Variants in ZFP3 observed in about 807,000 individuals in gnomAD.
The protein encoded by ZFP3 is zinc finger protein 3 homolog.
ZFP3 carries 18 observed loss-of-function variants against 36.7 expected under a neutral mutation model. That is an observed-to-expected ratio of 0.49 (90% CI 0.34 to 0.73). The LOEUF (loss-of-function observed/expected upper bound fraction) is 0.73, where lower values mean the gene tolerates loss of function less well. ZFP3 is among the 30% of genes least tolerant of loss of function. The probability of loss-of-function intolerance (pLI) is 0.01; values close to 1 mark genes in which losing one functional copy is unlikely to be tolerated. For missense variants in ZFP3, 495 were observed against 599.0 expected, an observed-to-expected ratio of 0.83 and a Z score of 1.81; for synonymous variants, 218 against 199.0, an observed-to-expected ratio of 1.10 and a Z score of -0.81.
At chr17:5,085,795 A>G (rs1329131355) in intron 1 of ZFP3, among the ~76,000 whole-genome samples, 2 of 152,244 alleles carry the variant, frequency 1.3e-5, no homozygotes, top group South Asian at 4.1e-4. Context: ...TGTCAGCTCT[A>G]CGAATGCTGA....
rs867375797 is a variant in ZFP3 at position 5,091,567 on chromosome 17, T to C, written c.63T>C (p.His21=). Reference sequence around the variant, plus strand: ...AAATTTCTGAAGAATCTGAGCCACATGGGTCATTATTAGAAAAATTTCCAA... The same window carrying C: ...AAATTTCTGAAGAATCTGAGCCACACGGGTCATTATTAGAAAAATTTCCAA... ...KEEISEESEP[H]GSLLEKFPKV... Residue 21 remains histidine (H), a synonymous_variant, in exon 2 of 2, where the codon CAT becomes CAC. Transcript: ENST00000318833. The C allele has an allele frequency of 1.2e-6, 2 of 1,614,226 alleles. No individual in the cohort carries two copies. The highest frequency in any genetic ancestry group is 1.3e-5 in the African/African-American group (1 of 75,056).
rs2072076831 is a variant in ZFP3, at chr17:5,078,582, C to T, written c.-9+7C>T. 1 of 152,592 alleles carries T rather than the reference C, an allele frequency of 6.6e-6. No homozygotes were observed. The highest frequency in any genetic ancestry group is 2.4e-5 in the African/African-American group (1 of 41,460). The allele number at this position is 152,592 out of a possible 1,614,324, so 9.5% of individuals were successfully genotyped here. A position where few individuals can be genotyped will look rare whatever the true frequency, so the allele number is the denominator to read the frequency against. On this transcript the variant is annotated splice_region_variant and intron_variant, in intron 1 of 1. Coordinates refer to ENST00000318833, the MANE Select transcript of ZFP3 (RefSeq NM_153018.3). The surrounding 1 kb of genome is among the most constrained non-coding windows in gnomAD (Gnocchi z 4.5). Reference sequence around the variant, plus strand: ...GGGGCAGTAGCGGCCTGCGGTGAGACCTCATTCCGTCGCGGCTGTGGGGGT... The same window carrying T: ...GGGGCAGTAGCGGCCTGCGGTGAGATCTCATTCCGTCGCGGCTGTGGGGGT...
intron 1 of ZFP3, among the ~76,000 whole-genome samples, chr17:5,089,190 TC>T (rs2072136955): frequency 6.6e-6 from 1 of 152,176 alleles, no homozygotes; most frequent in Non-Finnish European, 1.5e-5. Context: ...CTTATTTCTC[TC>T]TTAGATAAAT....
intron 1 of ZFP3, among the ~76,000 whole-genome samples, chr17:5,090,879 G>A (rs944137427): frequency 3.3e-4 from 50 of 152,126 alleles, no homozygotes; most frequent in African/African-American, 1.1e-3. Context: ...ATGTTGCCCA[G>A]GTTGGTCTTG....
Position 5,093,980 on chromosome 17 carries a change from A to G in ZFP3, c.*967A>G, listed in dbSNP as rs1473226551. ...TTCTGCTGCATATATTTTTAGCCCC[A>G]TCTCCTGCCACTGCTGACAGATATT... On this transcript the variant is annotated 3_prime_UTR_variant, in exon 2 of 2. Coordinates refer to ENST00000318833, the MANE Select transcript of ZFP3 (RefSeq NM_153018.3). The G allele has an allele frequency of 6.0e-6, 1 of 167,210 alleles. No homozygotes were observed. Among genetic ancestry groups the G allele is most frequent in the African/African-American group, 2.4e-5 (1 of 41,470 alleles). 10.4% of individuals were successfully genotyped at this position (167,210 alleles called of 1,614,324 possible).
At chr17:5,086,587 C>CT (rs11392105) in intron 1 of ZFP3, among the ~76,000 whole-genome samples, 66,042 of 142,402 alleles carry the variant, frequency 0.46, 15,191 homozygotes, top group South Asian at 0.69. Flanking sequence ...CTTTCATCCA[C>CT]TTTTTTTTTT....
intron 1 of ZFP3, among the ~76,000 whole-genome samples, chr17:5,087,385 G>A (rs770701419): frequency 6.6e-5 from 10 of 152,070 alleles, no homozygotes; most frequent in Non-Finnish European, 1.3e-4. Flanking sequence ...GCCTTCACTC[G>A]ATATTTTTAA....
At chr17:5,081,179 C>T (rs2072091443) in intron 1 of ZFP3, among the ~76,000 whole-genome samples, 1 of 151,852 alleles carries the variant, frequency 6.6e-6, no homozygotes, top group South Asian at 2.1e-4. Context: ...CAAGCTCGGC[C>T]TGCCCCGGGC....
chr17:5,084,880 A>G (rs2072112973), intron 1 of ZFP3, among the ~76,000 whole-genome samples: 1 of 152,256 alleles, frequency 6.6e-6, no homozygotes, highest in Admixed American at 6.5e-5. Flanking sequence ...GAGGCCTAAT[A>G]TATGGCTGTG....
intron 1 of ZFP3, among the ~76,000 whole-genome samples, chr17:5,086,837 C>T (rs1180445244): frequency 8.0e-5 from 12 of 150,666 alleles, no homozygotes; most frequent in Admixed American, 1.3e-4. Flanking sequence ...AGGCCATTCT[C>T]CTGCCTCAGC....
chr17:5,091,240 G>T (rs2072148028), intron 1 of ZFP3, among the ~76,000 whole-genome samples: 1 of 151,982 alleles, frequency 6.6e-6, no homozygotes, highest in Non-Finnish European at 1.5e-5. Flanking sequence ...CAGATATCAA[G>T]ACTGTTTCTG....
intron 1 of ZFP3, among the ~76,000 whole-genome samples, chr17:5,088,005 G>T (rs1452111374): frequency 6.6e-6 from 1 of 152,138 alleles, no homozygotes; most frequent in Non-Finnish European, 1.5e-5. Flanking sequence ...TGACTCCTAG[G>T]CTTCTGTTCG....
chr17:5,087,702 C>G (rs906894048), intron 1 of ZFP3, among the ~76,000 whole-genome samples: 1 of 152,114 alleles, frequency 6.6e-6, no homozygotes, highest in Admixed American at 6.5e-5. Flanking sequence ...GACAGTGAGA[C>G]TACTGAGTAG....
At chr17:5,079,766 G>A (rs571188532) in intron 1 of ZFP3, among the ~76,000 whole-genome samples, 3 of 152,250 alleles carry the variant, frequency 2.0e-5, no homozygotes, top group Middle Eastern at 3.4e-3. Context: ...TCAGCTGGGC[G>A]TGATGGCTCA....
intron 1 of ZFP3, among the ~76,000 whole-genome samples, chr17:5,084,877 A>G (rs887599968): frequency 6.6e-6 from 1 of 152,238 alleles, no homozygotes; most frequent in South Asian, 2.1e-4. Context: ...TCTGAGGCCT[A>G]ATATATGGCT....
intron 1 of ZFP3, among the ~76,000 whole-genome samples, chr17:5,086,814 G>A (rs1227661514): frequency 2.8e-5 from 4 of 141,742 alleles, no homozygotes; most frequent in Non-Finnish European, 4.5e-5. Context: ...TGCAAGCTCC[G>A]CCTCCCGGGT....
intron 1 of ZFP3, among the ~76,000 whole-genome samples, chr17:5,079,621 G>A (rs2072083048): frequency 6.6e-6 from 1 of 152,228 alleles, no homozygotes; most frequent in Admixed American, 6.5e-5. Context: ...AGGATGAATG[G>A]AACAGCATCC....
At position 5,091,650 on chromosome 17, in the gene ZFP3, G is replaced by C; in HGVS notation, c.146G>C (p.Gly49Ala). ...GGATGTGAAGAAGACATGTTGGAGG[G>C]ACATTCGAGAGAGTCCATGGAAGAG... Reference protein sequence around the residue: ...GAGCEEDMLEGHSRESMEEVI... With the variant: ...GAGCEEDMLEAHSRESMEEVI... Residue 49 changes from glycine (G) to alanine (A), a missense_variant, in exon 2 of 2, where the codon GGA (glycine) becomes GCA (alanine). Physicochemically the swap from Gly to Ala is moderately conservative, Grantham distance 60. Coordinates refer to ENST00000318833, the MANE Select transcript of ZFP3 (RefSeq NM_153018.3). 1 of 1,614,212 alleles carries C rather than the reference G, an allele frequency of 6.2e-7. No homozygotes were observed.
chr17:5,091,600 T>G lies in ZFP3; in HGVS notation c.96T>G (p.Val32=). 6.2e-7 allele frequency: 1 copy of G among 1,614,230 alleles called. No individual in the cohort carries two copies. The highest frequency in any genetic ancestry group is 1.1e-5 in the South Asian group (1 of 91,084). Reference sequence around the variant, plus strand: ...TATTAGAAAAATTTCCAAAAGTGGTTTACCAAGGTCATGAGTTTGGAGCAG... The same window carrying G: ...TATTAGAAAAATTTCCAAAAGTGGTGTACCAAGGTCATGAGTTTGGAGCAG... ...GSLLEKFPKV[V]YQGHEFGAGC... is the part of the protein sequence containing the mutation. Residue 32 remains valine (V), a synonymous_variant, in exon 2 of 2, where the codon GTT becomes GTG. Coordinates refer to ENST00000318833, the MANE Select transcript of ZFP3 (RefSeq NM_153018.3).
Sources: gnomAD v4.1 joint callset for allele counts (sites outside exome capture counted in the v4.1 genomes callset) on GRCh38, gnomAD v4.1.1 for gene constraint, Gnocchi (gnomAD v3.1) non-coding constraint, MANE v1.5 for transcripts, NCBI Gene and HGNC (gene_info 2026-07-23, HGNC 2026-07-21) for gene names.